MKLN1: variants seen among roughly 807,000 people sequenced by gnomAD.
The protein encoded by MKLN1 is muskelin.
In MKLN1, 18 loss-of-function variants were observed where a neutral mutation model predicts 99.0. That is an observed-to-expected ratio of 0.18 (90% CI 0.13 to 0.27). MKLN1 has a LOEUF of 0.27. Ranked by LOEUF, MKLN1 falls within the 10% of genes least tolerant of loss-of-function variation. The pLI is 1.00. For missense variants in MKLN1, 621 were observed against 875.9 expected (o/e 0.71, Z 3.67); for synonymous variants, 288 against 293.2 (o/e 0.98, Z 0.18).
chr7:131,369,380 A>T (rs1448267798), intron 1 of MKLN1, among the ~76,000 whole-genome samples: 3 of 152,186 alleles, frequency 2.0e-5, no homozygotes, highest in African/African-American at 4.8e-5. Flanking sequence ...GATAATTAGG[A>T]ATTAATTTCA....
chr7:131,173,285 A>G (rs180952181), intron 2 of MKLN1, among the ~76,000 whole-genome samples: 16 of 152,304 alleles, frequency 1.1e-4, no homozygotes, highest in Admixed American at 4.6e-4. Context: ...AACACTACAG[A>G]TAGTTGAACC....
chr7:131,485,951 A>G (rs959579401), intron 17 of MKLN1, among the ~76,000 whole-genome samples: 1 of 152,116 alleles, frequency 6.6e-6, no homozygotes, highest in African/African-American at 2.4e-5. Context: ...GTTAAATTTC[A>G]TGAATTTAAT....
At chr7:131,418,934 C>G (rs1047174484) in intron 8 of MKLN1, among the ~76,000 whole-genome samples, 6 of 152,082 alleles carry the variant, frequency 3.9e-5, no homozygotes, top group African/African-American at 1.4e-4. Flanking sequence ...TTAAATTAAA[C>G]AGGTCTCTAG....
At chr7:131,318,902 T>C (rs1798718993) in intron 3 of MKLN1, among the ~76,000 whole-genome samples, 1 of 152,090 alleles carries the variant, frequency 6.6e-6, no homozygotes, top group Non-Finnish European at 1.5e-5. Context: ...CAGGAAGAAG[T>C]CGAATCCCTG....
intron 4 of MKLN1, 59 bp downstream of exon 4, chr7:131,389,031 A>G (rs767661657): frequency 7.1e-6 from 8 of 1,126,384 alleles, no homozygotes; most frequent in Admixed American, 2.1e-5. Context: ...TCAGCAAACT[A>G]TAGCCCATAG....
At chr7:131,466,935 G>A (rs180685338) in intron 15 of MKLN1, among the ~76,000 whole-genome samples, 348 of 149,996 alleles carry the variant, frequency 2.3e-3, no homozygotes, top group African/African-American at 5.7e-3. Flanking sequence ...GCGCGCGCGC[G>A]CACACACGCA....
At chr7:131,185,815 A>G (rs1254460841) in intron 2 of MKLN1, among the ~76,000 whole-genome samples, 1 of 152,190 alleles carries the variant, frequency 6.6e-6, no homozygotes, top group Non-Finnish European at 1.5e-5. Context: ...TGAGGCTTAG[A>G]GATGTAAAGA....
At chr7:131,360,907 G>A (rs937246055) in intron 1 of MKLN1, among the ~76,000 whole-genome samples, 1 of 152,040 alleles carries the variant, frequency 6.6e-6, no homozygotes, top group Admixed American at 6.5e-5. Context: ...AATTTCACTG[G>A]ATATAGATGT....
chr7:131,241,939 ACC>A (rs1797409870), intron 3 of MKLN1, among the ~76,000 whole-genome samples: 1 of 152,088 alleles, frequency 6.6e-6, no homozygotes, highest in African/African-American at 2.4e-5. Flanking sequence ...TCCATCTCTT[ACC>A]CGCTTGCAAC....
intron 4 of MKLN1, among the ~76,000 whole-genome samples, chr7:131,389,458 T>C (rs903887686): frequency 6.6e-6 from 1 of 152,118 alleles, no homozygotes; most frequent in Admixed American, 6.5e-5. Flanking sequence ...TTATTTTATT[T>C]ATTTATTTTT....
chr7:131,239,204 A>G (rs1797365888), intron 3 of MKLN1, among the ~76,000 whole-genome samples: 1 of 152,234 alleles, frequency 6.6e-6, no homozygotes, highest in Non-Finnish European at 1.5e-5. Flanking sequence ...TTGACTAATA[A>G]AAATCATATA....
At chr7:131,142,232 C>G (rs943940739) in intron 1 of MKLN1, among the ~76,000 whole-genome samples, 1 of 152,024 alleles carries the variant, frequency 6.6e-6, no homozygotes, top group African/African-American at 2.4e-5. Flanking sequence ...ATGGCAAAAC[C>G]CTGTCTCTAC....
chr7:131,447,568 A>G (rs1796050754), intron 12 of MKLN1, among the ~76,000 whole-genome samples: 1 of 152,106 alleles, frequency 6.6e-6, no homozygotes, highest in African/African-American at 2.4e-5. Flanking sequence ...GAGAGAGGTA[A>G]TACTCCTTCT....
At chr7:131,361,616 T>G (rs1800030991) in intron 1 of MKLN1, among the ~76,000 whole-genome samples, 1 of 151,186 alleles carries the variant, frequency 6.6e-6, no homozygotes. Flanking sequence ...TTTGGTTCCC[T>G]TCAATCCAGT....
In MKLN1 at chr7:131,462,265, T is replaced by G. The variant is rs558022930; in HGVS notation, c.1526-952T>G. ...GGCTGGTCTTGAGGTCATGGCCTCA[T>G]ATGATCCTCCCACCTTGACCTCCCA... On this transcript the variant is annotated intron_variant, in intron 12 of 17. Coordinates refer to ENST00000352689, the MANE Select transcript of MKLN1 (RefSeq NM_013255.5). Among the ~76,000 whole-genome samples the G allele has an allele frequency of 3.9e-5, 6 of 152,226 alleles. No homozygotes were observed. In the East Asian group the frequency reaches 9.7e-4, roughly 24 times the overall value.
Position 131,487,026 on chromosome 7 carries a change from T to C in MKLN1, c.2087-581T>C, listed in dbSNP as rs551520218. Among the ~76,000 whole-genome samples, 6 of 152,286 alleles carry C rather than the reference T, an allele frequency of 3.9e-5. No homozygotes were observed. The South Asian group carries it at 1.2e-3, about 32-fold the overall frequency. On this transcript the variant is annotated intron_variant, in intron 17 of 17. Transcript: ENST00000352689. This position sits in a 1 kb window ranked among gnomAD's most constrained non-coding sequence, Gnocchi z 4.7. ...ATAGTGTTATGTGCAGATACCATTC[T>C]GCATATTGTACATGTATCTCCCTCA... is the stretch of plus-strand genomic sequence containing the variant.
chr7:131,143,283 A>G (rs536214706), intron 2 of MKLN1, among the ~76,000 whole-genome samples: 6 of 151,392 alleles, frequency 4.0e-5, no homozygotes, highest in East Asian at 2.0e-4. Flanking sequence ...CCTGGTTAAC[A>G]TGGTGAAACC....
At chr7:131,163,193 A>G (rs1413768025) in intron 2 of MKLN1, among the ~76,000 whole-genome samples, 2 of 152,246 alleles carry the variant, frequency 1.3e-5, no homozygotes, top group African/African-American at 4.8e-5. Context: ...AAAAATGGTT[A>G]GGATCATTAG....
chr7:131,457,274 T>A (rs1417449545), intron 12 of MKLN1, among the ~76,000 whole-genome samples: 1 of 147,112 alleles, frequency 6.8e-6, no homozygotes, highest in African/African-American at 2.5e-5. Flanking sequence ...CGAAACTCCA[T>A]CTCAAAAAAA....
Sources: allele counts gnomAD v4.1 joint callset (sites outside exome capture counted in the v4.1 genomes callset), GRCh38; gene constraint gnomAD v4.1.1; non-coding constraint Gnocchi (gnomAD v3.1); transcripts MANE v1.5; gene names NCBI Gene and HGNC (gene_info 2026-07-23, HGNC 2026-07-21).